The following TNFRSF10D variants were observed in gnomAD, a reference collection of about 807,000 sequenced individuals.
TNFRSF10D encodes TNF receptor superfamily member 10d.
A neutral mutation model predicts 42.1 loss-of-function variants in TNFRSF10D; 28 were observed. The observed-to-expected ratio is 0.66, with a 90% CI of 0.49 to 0.91. The LOEUF (loss-of-function observed/expected upper bound fraction) is 0.91, where lower values mean the gene tolerates loss of function less well. TNFRSF10D is among the 40% of genes least tolerant of loss of function. The pLI is 0.00. For synonymous variants in TNFRSF10D, 186 were observed against 189.4 expected (o/e 0.98, Z 0.15); for missense variants, 503 against 486.1 (o/e 1.03, Z -0.33).
At chr8:23,157,744 C>T (rs1196735639) in intron 1 of TNFRSF10D, among the ~76,000 whole-genome samples, 2 of 152,042 alleles carry the variant, frequency 1.3e-5, no homozygotes, top group South Asian at 2.1e-4. Flanking sequence ...AAGAATTAAC[C>T]TTTTTAACTA....
chr8:23,162,701 T>G (rs1284686752), intron 1 of TNFRSF10D, among the ~76,000 whole-genome samples: 365 of 151,128 alleles, frequency 2.4e-3, no homozygotes, highest in African/African-American at 7.7e-3. Flanking sequence ...GAAGGGGCCA[T>G]CCCGCGGTCC....
At chr8:23,159,196 G>T (rs1285026858) in intron 1 of TNFRSF10D, among the ~76,000 whole-genome samples, 1 of 152,052 alleles carries the variant, frequency 6.6e-6, no homozygotes, top group African/African-American at 2.4e-5. Flanking sequence ...GAACTCCTGG[G>T]CTCTAAGGAT....
At chr8:23,161,728 G>T (rs1462435113) in intron 1 of TNFRSF10D, among the ~76,000 whole-genome samples, 1 of 152,164 alleles carries the variant, frequency 6.6e-6, no homozygotes, top group Non-Finnish European at 1.5e-5. Flanking sequence ...GACTAGCAAC[G>T]AATGAAAGCT....
rs1814337951 is a variant in TNFRSF10D at position 23,136,794 on chromosome 8, A to G, written c.*1076T>C. 3 of 151,930 alleles carry G rather than the reference A, an allele frequency of 2.0e-5. No individual in the cohort carries two copies. Among genetic ancestry groups the G allele is most frequent in the African/African-American group, 7.2e-5 (3 of 41,464 alleles). The allele number at this position is 151,930 out of a possible 1,614,324, so 9.4% of individuals were successfully genotyped here. A position where few individuals can be genotyped will look rare whatever the true frequency, so the allele number is the denominator to read the frequency against. On this transcript the variant is annotated 3_prime_UTR_variant, in exon 9 of 9. Transcript: ENST00000312584. ...GTAAACATCTACTTATAAATAAATA[A>G]ATAAATATTTATTTATAAATAAATA... is the stretch of plus-strand genomic sequence containing the variant.
At chr8:23,145,411 TAGG>T (rs772309887) in intron 5 of TNFRSF10D, among the ~76,000 whole-genome samples, 14 of 152,086 alleles carry the variant, frequency 9.2e-5, no homozygotes, top group Admixed American at 5.2e-4. Context: ...GGCCTGAAGA[TAGG>T]AGGAACTGGC....
intron 1 of TNFRSF10D, among the ~76,000 whole-genome samples, chr8:23,160,004 ACCAT>A (rs1800342416): frequency 6.6e-6 from 1 of 151,616 alleles, no homozygotes; most frequent in African/African-American, 2.4e-5. Flanking sequence ...CTAACCAAAC[ACCAT>A]CCTCCACGCC....
At chr8:23,157,004 C>A (rs1264787762) in intron 1 of TNFRSF10D, among the ~76,000 whole-genome samples, 1 of 151,898 alleles carries the variant, frequency 6.6e-6, no homozygotes, top group East Asian at 1.9e-4. Flanking sequence ...ACATATTTTT[C>A]TTTTTTTGAC....
intron 1 of TNFRSF10D, among the ~76,000 whole-genome samples, chr8:23,159,434 C>G (rs1800331105): frequency 6.6e-6 from 1 of 152,280 alleles, no homozygotes; most frequent in Admixed American, 6.5e-5. Context: ...CTGTGCAGAC[C>G]TTGTTAGAAC....
chr8:23,162,322 C>T (rs1281309204), intron 1 of TNFRSF10D, among the ~76,000 whole-genome samples: 1 of 152,188 alleles, frequency 6.6e-6, no homozygotes, highest in African/African-American at 2.4e-5. Flanking sequence ...CTCTTCAGGG[C>T]CACTGTCCTG....
chr8:23,155,798 T>C (rs1398828942), intron 1 of TNFRSF10D, among the ~76,000 whole-genome samples: 1 of 150,408 alleles, frequency 6.6e-6, no homozygotes, highest in African/African-American at 2.4e-5. Context: ...AGTGTTTAAT[T>C]GACCAGTGGG....
In TNFRSF10D at chr8:23,151,495, C is replaced by A. The variant is rs191752716; in HGVS notation, c.257-2944G>T. On this transcript the variant is annotated intron_variant, in intron 2 of 8. Transcript: ENST00000312584. ...AAAACTAGGTGGTTAAATACATGGT[C>A]AAGTTCAGAATATTCTAATACAATC... Among the ~76,000 whole-genome samples, 16 of 152,260 alleles carry A rather than the reference C, an allele frequency of 1.1e-4. No homozygotes were observed. In the East Asian group the frequency reaches 2.9e-3, roughly 28 times the overall value.
chr8:23,144,067 T>C (rs1005460844), intron 7 of TNFRSF10D, among the ~76,000 whole-genome samples: 4 of 152,246 alleles, frequency 2.6e-5, no homozygotes, highest in Middle Eastern at 3.2e-3. Context: ...CTGTGAAATA[T>C]GTTCAATGTA....
chr8:23,158,308 G>A (rs1045664798), intron 1 of TNFRSF10D, among the ~76,000 whole-genome samples: 6 of 152,140 alleles, frequency 3.9e-5, no homozygotes, highest in Admixed American at 1.3e-4. Flanking sequence ...CGCCTTCAAC[G>A]TAGGGTAACT....
chr8:23,141,281 G>A (rs143184715), intron 7 of TNFRSF10D, among the ~76,000 whole-genome samples: 2,811 of 152,280 alleles, frequency 0.018, 95 homozygotes, highest in African/African-American at 0.064. Flanking sequence ...GAGGCAGGCA[G>A]ATCACCTGAG....
chr8:23,156,403 C>T (rs79050876), intron 1 of TNFRSF10D, among the ~76,000 whole-genome samples: 2,082 of 152,224 alleles, frequency 0.014, 48 homozygotes, highest in African/African-American at 0.048. Flanking sequence ...CACATGAAAG[C>T]CTGCCTAGTA....
intron 7 of TNFRSF10D, 95 bp from the exon 8 acceptor site, chr8:23,138,355 T>A: frequency 7.3e-7 from 1 of 1,376,684 alleles, no homozygotes; most frequent in South Asian, 1.2e-5. Flanking sequence ...CCTGCAGCGC[T>A]TTCCCTCTTG....
At chr8:23,156,771 G>GT (rs1269277969) in intron 1 of TNFRSF10D, among the ~76,000 whole-genome samples, 1 of 152,080 alleles carries the variant, frequency 6.6e-6, no homozygotes, top group Non-Finnish European at 1.5e-5. Context: ...GTTTCATCAC[G>GT]TTGCCCAGGC....
chr8:23,141,898 A>G (rs1374895715), intron 7 of TNFRSF10D, among the ~76,000 whole-genome samples: 486 of 151,444 alleles, frequency 3.2e-3, no homozygotes, highest in African/African-American at 0.011. Flanking sequence ...CAGTATGGAA[A>G]GGAGTTTGGA....
intron 2 of TNFRSF10D, among the ~76,000 whole-genome samples, chr8:23,153,200 C>T (rs974742570): frequency 6.6e-6 from 1 of 152,164 alleles, no homozygotes; most frequent in Non-Finnish European, 1.5e-5. Context: ...CCTTATCTCA[C>T]ATCATATGTA....
Sources: gnomAD v4.1 joint callset for allele counts (sites outside exome capture counted in the v4.1 genomes callset) on GRCh38, gnomAD v4.1.1 for gene constraint, MANE v1.5 for transcripts, NCBI Gene and HGNC (gene_info 2026-07-23, HGNC 2026-07-21) for gene names.